Variants in GLDC observed in about 807,000 individuals in gnomAD.
The protein encoded by GLDC is glycine decarboxylase.
GLDC carries 104 observed loss-of-function variants against 121.3 expected under a neutral mutation model. The ratio of observed to expected loss-of-function variants is 0.86; its 90% confidence interval spans 0.73 to 1.01. The LOEUF (loss-of-function observed/expected upper bound fraction) is 1.01. Among genes scored for constraint, GLDC ranks in the 50% least tolerant of loss-of-function variants. The pLI, the probability that GLDC is intolerant of heterozygous loss-of-function variation, is 0.00. For missense variants in GLDC, 1,429 were observed against 1,306.6 expected (o/e 1.09, Z -1.44); for synonymous variants, 546 against 480.6 (o/e 1.14, Z -1.78).
intron 3 of GLDC, among the ~76,000 whole-genome samples, chr9:6,611,797 C>G (rs1233439225): frequency 6.6e-6 from 1 of 152,144 alleles, no homozygotes; most frequent in Non-Finnish European, 1.5e-5. Context: ...TAAGTCTTTC[C>G]TATTTATCAG....
intron 15 of GLDC, chr9:6,565,641 A>G: frequency 4.7e-6 from 3 of 641,160 alleles, no homozygotes; most frequent in Admixed American, 4.7e-5. Context: ...TTTGTGCACT[A>G]CAGCTCAACC....
chr9:6,547,463 A>G (rs963221364), intron 21 of GLDC, among the ~76,000 whole-genome samples: 1 of 152,140 alleles, frequency 6.6e-6, no homozygotes, highest in African/African-American at 2.4e-5. Context: ...TCTTCTGTCT[A>G]GTTCTCAGTC....
chr9:6,562,489 T>A (rs763523560), intron 16 of GLDC, among the ~76,000 whole-genome samples: 1 of 152,198 alleles, frequency 6.6e-6, no homozygotes, highest in African/African-American at 2.4e-5. Flanking sequence ...ACATCAGTGA[T>A]GTGAAAAAAT....
At chr9:6,559,073 CT>C (rs1817692408) in intron 16 of GLDC, among the ~76,000 whole-genome samples, 1 of 152,170 alleles carries the variant, frequency 6.6e-6, no homozygotes, top group Non-Finnish European at 1.5e-5. Flanking sequence ...CTTCAGTGCT[CT>C]GCTTGGCTTA....
At chr9:6,606,973 G>A (rs771005063) in intron 4 of GLDC, among the ~76,000 whole-genome samples, 2 of 151,996 alleles carry the variant, frequency 1.3e-5, no homozygotes, top group Non-Finnish European at 2.9e-5. Flanking sequence ...TGAGGCCAGA[G>A]AATCACTTGA....
intron 15 of GLDC, among the ~76,000 whole-genome samples, chr9:6,572,613 GA>G (rs1817988670): frequency 6.6e-6 from 1 of 152,164 alleles, no homozygotes; most frequent in Non-Finnish European, 1.5e-5. Flanking sequence ...AGGACATTAT[GA>G]ATCTGGATGG....
intron 8 of GLDC, among the ~76,000 whole-genome samples, chr9:6,597,662 C>G (rs1351211875): frequency 6.6e-6 from 1 of 151,968 alleles, no homozygotes; most frequent in African/African-American, 2.4e-5. Flanking sequence ...TATGGCCGGG[C>G]ATGGTGGCTA....
chr9:6,574,310 A>T (rs111849939), intron 15 of GLDC, among the ~76,000 whole-genome samples: 3,666 of 152,030 alleles, frequency 0.024, 149 homozygotes, highest in African/African-American at 0.081. Context: ...TCTACTAAAA[A>T]TCAAAAATTA....
Position 6,645,410 on chromosome 9 carries a change from C to T in GLDC, c.90G>A (p.Trp30Ter). The part of the protein sequence containing the change: ...RRLAGGSGPC[W>*]APRSRDSSSG... ...TGCTGCTGTCCCGGCTCCGCGGCGCCCAGCACGGCCCCGATCCCCCAGCCA... is the reference window on the plus strand; with the variant it reads ...TGCTGCTGTCCCGGCTCCGCGGCGCTCAGCACGGCCCCGATCCCCCAGCCA... The change falls in exon 1 of 25, where the codon TGG (tryptophan) becomes TGA (stop). Residue 30 changes from tryptophan to a stop codon, truncating the protein, a stop_gained. Transcript: ENST00000321612. LOFTEE classifies it high-confidence loss of function. 1.4e-6 allele frequency: 2 copies of T among 1,412,466 alleles called. No individual in the cohort carries two copies. Among genetic ancestry groups the T allele is most frequent in the Non-Finnish European group, 1.8e-6 (2 of 1,081,898 alleles). The allele number at this position is 1,412,466 out of a possible 1,614,324, so 87.5% of individuals were successfully genotyped here. A position where few individuals can be genotyped will look rare whatever the true frequency, so the allele number is the denominator to read the frequency against.
intron 2 of GLDC, among the ~76,000 whole-genome samples, chr9:6,629,236 G>T (rs550444233): frequency 0.015 from 1,929 of 132,612 alleles, 55 homozygotes; most frequent in African/African-American, 0.052. Context: ...TTTTTTTTTT[G>T]AGATGGAGTC....
chr9:6,634,468 G>A (rs1819457729), intron 2 of GLDC, among the ~76,000 whole-genome samples: 1 of 151,954 alleles, frequency 6.6e-6, no homozygotes, highest in South Asian at 2.1e-4. Context: ...GGCAGAGGTT[G>A]CAGTGAACTG....
At chr9:6,585,737 A>G (rs1007153862) in intron 15 of GLDC, among the ~76,000 whole-genome samples, 3 of 152,198 alleles carry the variant, frequency 2.0e-5, no homozygotes, top group African/African-American at 7.2e-5. Context: ...GGAGGTGAAG[A>G]ACCTAGGGGC....
intron 2 of GLDC, among the ~76,000 whole-genome samples, chr9:6,644,224 G>C (rs1819691333): frequency 1.3e-5 from 2 of 151,802 alleles, no homozygotes; most frequent in South Asian, 4.2e-4. Flanking sequence ...CCAGTTGCAC[G>C]ACCTTAGGCA....
At chr9:6,621,948 C>G (rs573810270) in intron 2 of GLDC, among the ~76,000 whole-genome samples, 2 of 152,270 alleles carry the variant, frequency 1.3e-5, no homozygotes, top group East Asian at 3.9e-4. Context: ...TCTTTAAGAT[C>G]TTCTTGGGGA....
intron 14 of GLDC, among the ~76,000 whole-genome samples, chr9:6,587,669 A>T (rs1243015885): frequency 6.6e-6 from 1 of 152,152 alleles, no homozygotes; most frequent in Non-Finnish European, 1.5e-5. Context: ...ACAAACACAA[A>T]AGTAAATGGG....
chr9:6,592,024 TAAC>T (rs1485780576), intron 11 of GLDC, 116 bp downstream of exon 11: 9 of 734,940 alleles, frequency 1.2e-5, no homozygotes, highest in Non-Finnish European at 2.0e-5. Flanking sequence ...GGAATAATTT[TAAC>T]AACAAGCTAC....
rs745902411 is a variant in GLDC at position 6,644,598 on chromosome 9, CCTCCCGGCCA to C, written c.334+6_334+15del. 6.4e-7 allele frequency: 1 copy of C among 1,569,544 alleles called. No homozygotes were observed. Among genetic ancestry groups the C allele is most frequent in the African/African-American group, 1.3e-5 (1 of 74,160 alleles). ...CAGAATAATCTAAGTCCAAGGGAGC[CCTCCCGGCCA>C]CTTACAAACAGGGTCTTCCATTTTC... is the stretch of plus-strand genomic sequence containing the variant. On this transcript the variant is annotated splice_donor_region_variant and intron_variant, in intron 2 of 24. Coordinates refer to ENST00000321612, the MANE Select transcript of GLDC (RefSeq NM_000170.3).
intron 3 of GLDC, among the ~76,000 whole-genome samples, chr9:6,612,177 A>G (rs1470085210): frequency 6.8e-6 from 1 of 148,044 alleles, no homozygotes; most frequent in Non-Finnish European, 1.5e-5. Flanking sequence ...TTGTATACAC[A>G]CACACACACT....
At chr9:6,603,529 C>G (rs1392413115) in intron 7 of GLDC, among the ~76,000 whole-genome samples, 1 of 144,664 alleles carries the variant, frequency 6.9e-6, no homozygotes, top group Admixed American at 7.2e-5. Context: ...GAGACTTGGT[C>G]TCAAAATAAA....
Sources: gnomAD v4.1 joint callset for allele counts (sites outside exome capture counted in the v4.1 genomes callset) on GRCh38, gnomAD v4.1.1 for gene constraint, MANE v1.5 for transcripts, NCBI Gene and HGNC (gene_info 2026-07-23, HGNC 2026-07-21) for gene names.